Variants in LRRC7 observed in about 807,000 individuals in gnomAD.
LRRC7 encodes leucine-rich repeat-containing protein 7.
Under a neutral mutation model 175.7 loss-of-function variants are expected in LRRC7, and 23 were observed. The ratio of observed to expected loss-of-function variants is 0.13; its 90% confidence interval spans 0.09 to 0.19. The LOEUF (loss-of-function observed/expected upper bound fraction) is 0.19, where lower values mean the gene tolerates loss of function less well. Among genes scored for constraint, LRRC7 ranks in the 10% least tolerant of loss-of-function variants. LRRC7 has a pLI of 1.00. For synonymous variants in LRRC7, 685 were observed against 680.9 expected (o/e 1.01, Z -0.09); for missense variants, 1,354 against 1,904.7 (o/e 0.71, Z 5.38).
At chr1:69,710,505 C>A (rs1190066411) in intron 2 of LRRC7, among the ~76,000 whole-genome samples, 1 of 152,078 alleles carries the variant, frequency 6.6e-6, no homozygotes, top group Non-Finnish European at 1.5e-5. Flanking sequence ...ACAATGAAAG[C>A]TTTATAGATA....
chr1:69,818,005 T>C (rs1177655874), intron 4 of LRRC7, among the ~76,000 whole-genome samples: 2 of 152,136 alleles, frequency 1.3e-5, no homozygotes, highest in Non-Finnish European at 2.9e-5. Context: ...ATAGTTCTAA[T>C]AGTTTTTGGT....
In LRRC7 at chr1:70,130,905, G is replaced by A. The variant is rs959075234; in HGVS notation, c.*9018G>A. Among the ~76,000 whole-genome samples the A allele has an allele frequency of 1.6e-4, 25 of 152,108 alleles. 1 individual carries two copies. The highest frequency in any genetic ancestry group is 5.8e-4 in the African/African-American group (24 of 41,416). On this transcript the variant is annotated 3_prime_UTR_variant, in exon 27 of 27. Transcript: ENST00000651989. ...ATCAAACTGCTGCCAAATGCTGCCC[G>A]TCCTTTAAGTAGATAAAAGAATAGT...
chr1:69,750,093 T>A lies in LRRC7; in HGVS notation c.101-10098T>A, dbSNP rs11209534. On this transcript the variant is annotated intron_variant, in intron 2 of 26. Coordinates refer to ENST00000651989, the MANE Select transcript of LRRC7 (RefSeq NM_001370785.2). ...ATAAATAAATAAATAAATAAATAAA[T>A]AATAATAACTGAAAAGTGAGGTTAA... Among the ~76,000 whole-genome samples, 152 of 142,272 alleles carry A rather than the reference T, an allele frequency of 1.1e-3. 2 individuals carry two copies. The highest frequency in any genetic ancestry group is 1.4e-3 in the African/African-American group (52 of 38,014). The allele number at this position is 142,272 out of a possible 152,430, so 93.3% of individuals were successfully genotyped here.
At chr1:69,893,646 G>A (rs1327894279) in intron 7 of LRRC7, among the ~76,000 whole-genome samples, 1 of 152,092 alleles carries the variant, frequency 6.6e-6, no homozygotes, top group Non-Finnish European at 1.5e-5. Context: ...CCATAAATAT[G>A]GGTAAATAGC....
At position 70,123,975 on chromosome 1, in the gene LRRC7, A is replaced by G. The variant is rs1046209629; in HGVS notation, c.*2088A>G. On this transcript the variant is annotated 3_prime_UTR_variant, in exon 27 of 27. Coordinates refer to ENST00000651989, the MANE Select transcript of LRRC7 (RefSeq NM_001370785.2). ...CCCAAGTCTTTTTCTTATGGTTTCTATATCAAACCCAGGGCTTCAGGAGAT... is the reference window on the plus strand; with the variant it reads ...CCCAAGTCTTTTTCTTATGGTTTCTGTATCAAACCCAGGGCTTCAGGAGAT... 2.0e-5 allele frequency among the ~76,000 whole-genome samples: 3 copies of G among 152,188 alleles called. No individual in the cohort carries two copies. Among genetic ancestry groups the G allele is most frequent in the African/African-American group, 7.2e-5 (3 of 41,448 alleles).
chr1:69,627,649 C>G (rs1290532516), intron 1 of LRRC7, among the ~76,000 whole-genome samples: 1 of 152,036 alleles, frequency 6.6e-6, no homozygotes. Context: ...AGTCCTTGCC[C>G]ATGCCTATGT....
At chr1:69,861,279 A>G (rs980422167) in intron 7 of LRRC7, among the ~76,000 whole-genome samples, 3 of 152,086 alleles carry the variant, frequency 2.0e-5, no homozygotes, top group Non-Finnish European at 4.4e-5. Context: ...TAATGTTCAT[A>G]TTTTTCTAGA....
rs76428966 is a variant in LRRC7 at position 69,939,195 on chromosome 1, G to T, written c.711+7625G>T. Among the ~76,000 whole-genome samples, 6 of 151,706 alleles carry T rather than the reference G, an allele frequency of 4.0e-5. No homozygotes were observed. In the East Asian group the frequency reaches 1.2e-3, roughly 29 times the overall value. On this transcript the variant is annotated intron_variant, in intron 8 of 26. Transcript: ENST00000651989. ...AAAACTATACTGATTATTTAACAAA[G>T]AAAGTTTAATAGAAAGATGGTTTAT...
At chr1:69,779,988 C>T (rs1288626843) in intron 3 of LRRC7, among the ~76,000 whole-genome samples, 1 of 152,216 alleles carries the variant, frequency 6.6e-6, no homozygotes, top group Non-Finnish European at 1.5e-5. Flanking sequence ...CTGGCACCAA[C>T]TCTTAATGAT....
At chr1:69,786,727 A>G (rs1674489351) in intron 3 of LRRC7, among the ~76,000 whole-genome samples, 1 of 152,148 alleles carries the variant, frequency 6.6e-6, no homozygotes, top group Non-Finnish European at 1.5e-5. Context: ...AACACAGGAA[A>G]GACTATGATT....
chr1:70,024,798 C>T (rs937270256), intron 17 of LRRC7, among the ~76,000 whole-genome samples: 2 of 151,894 alleles, frequency 1.3e-5, no homozygotes, highest in African/African-American at 4.8e-5. Flanking sequence ...TGCATATACC[C>T]AATGAAAAAT....
chr1:69,638,416 C>A (rs1653717892), intron 1 of LRRC7, among the ~76,000 whole-genome samples: 1 of 151,686 alleles, frequency 6.6e-6, no homozygotes, highest in African/African-American at 2.4e-5. Context: ...GGCATATATT[C>A]TTGTTCTTTT....
intron 23 of LRRC7, among the ~76,000 whole-genome samples, chr1:70,065,781 G>A (rs61782646): frequency 0.073 from 11,110 of 151,906 alleles, 506 homozygotes; most frequent in South Asian, 0.18. Flanking sequence ...TATTTAGTCC[G>A]TTATTGTATA....
At chr1:70,092,240 A>G (rs1057184972) in intron 25 of LRRC7, among the ~76,000 whole-genome samples, 3 of 152,116 alleles carry the variant, frequency 2.0e-5, no homozygotes, top group Non-Finnish European at 4.4e-5. Flanking sequence ...TTTTCATGAA[A>G]TGGCTGATTT....
intron 25 of LRRC7, among the ~76,000 whole-genome samples, chr1:70,099,366 T>A (rs1664650636): frequency 7.4e-6 from 1 of 135,206 alleles, no homozygotes; most frequent in Non-Finnish European, 1.6e-5. Flanking sequence ...GCCAATATCA[T>A]ACTGAATGGG....
intron 7 of LRRC7, among the ~76,000 whole-genome samples, chr1:69,851,975 G>A (rs1683041814): frequency 6.6e-6 from 1 of 152,050 alleles, no homozygotes; most frequent in South Asian, 2.1e-4. Context: ...ATTTAAGATG[G>A]GAGGTAAATG....
At chr1:69,862,850 T>C (rs187677634) in intron 7 of LRRC7, among the ~76,000 whole-genome samples, 4 of 149,118 alleles carry the variant, frequency 2.7e-5, no homozygotes, top group African/African-American at 9.9e-5. Context: ...AACAAGCCCC[T>C]GTGTGTGATG....
chr1:69,983,301 G>A (rs1466940614), intron 9 of LRRC7, among the ~76,000 whole-genome samples: 1 of 152,206 alleles, frequency 6.6e-6, no homozygotes, highest in East Asian at 1.9e-4. Context: ...AGGGAGCAGG[G>A]CTGGAGATTT....
At chr1:69,934,700 T>A (rs1647805054) in intron 8 of LRRC7, among the ~76,000 whole-genome samples, 1 of 152,146 alleles carries the variant, frequency 6.6e-6, no homozygotes, top group African/African-American at 2.4e-5. Context: ...TTTTCTTTAA[T>A]GAAGTCAAAC....
Sources: allele counts gnomAD v4.1 joint callset (sites outside exome capture counted in the v4.1 genomes callset), GRCh38; gene constraint gnomAD v4.1.1; transcripts MANE v1.5; gene names NCBI Gene and HGNC (gene_info 2026-07-23, HGNC 2026-07-21).